ASB11: variants seen among roughly 807,000 people sequenced by gnomAD.
ASB11 encodes the protein ankyrin repeat and SOCS box containing 11.
A neutral mutation model predicts 20.1 loss-of-function variants in ASB11; 17 were observed. The ratio of observed to expected loss-of-function variants is 0.85; its 90% confidence interval spans 0.58 to 1.27. ASB11 has a LOEUF of 1.27. ASB11 is among the 50% of genes most tolerant of loss of function. The pLI is 0.00. For missense variants in ASB11, 259 were observed against 256.9 expected, an observed-to-expected ratio of 1.01 and a Z score of -0.06; for synonymous variants, 107 against 105.6, an observed-to-expected ratio of 1.01 and a Z score of -0.08.
chrX:15,300,550 C>T (rs187531550), intron 2 of ASB11, among the ~76,000 whole-genome samples: 2 of 111,875 alleles, frequency 1.8e-5, no homozygotes, highest in Non-Finnish European at 3.8e-5. Flanking sequence ...AAAGAATGCC[C>T]CCTTACACAT....
chrX:15,313,397 TCAAAA>T (rs1039957895), intron 1 of ASB11, among the ~76,000 whole-genome samples: 3 of 108,613 alleles, frequency 2.8e-5, no homozygotes, highest in African/African-American at 1.0e-4. Context: ...AGAATCCATC[TCAAAA>T]CAAACAAAAA....
At chrX:15,293,104 C>T (rs1483620995) in intron 4 of ASB11, 66 bp downstream of exon 4, 1 of 1,145,155 alleles carries the variant, frequency 8.7e-7, no homozygotes, top group Non-Finnish European at 1.2e-6. Context: ...TAACACTAGA[C>T]CATTGATTCA....
At chrX:15,314,677 G>A (rs1250644564) in intron 1 of ASB11, 1 of 514,714 alleles carries the variant, frequency 1.9e-6, no homozygotes, top group Non-Finnish European at 2.6e-6. Flanking sequence ...AAATACACGG[G>A]GAAATTCTGA....
chrX:15,284,024 G>A (rs752044536), intron 6 of ASB11, among the ~76,000 whole-genome samples: 53 of 109,750 alleles, frequency 4.8e-4, no homozygotes, highest in African/African-American at 1.2e-3. Context: ...AGGCCAAGGT[G>A]GGCGGATCAC....
intron 2 of ASB11, among the ~76,000 whole-genome samples, chrX:15,300,171 C>G (rs1296188924): frequency 8.9e-6 from 1 of 112,320 alleles, no homozygotes; most frequent in African/African-American, 3.2e-5. Context: ...AAAACTGTTA[C>G]GGTGCAAAAT....
intron 4 of ASB11, among the ~76,000 whole-genome samples, 166 bp from the exon 5 acceptor site, chrX:15,289,804 C>A (rs962373013): frequency 9.0e-6 from 1 of 111,329 alleles, no homozygotes; most frequent in Non-Finnish European, 1.9e-5. Context: ...CCGGCGGATT[C>A]CCTGAGGTCA....
intron 1 of ASB11, among the ~76,000 whole-genome samples, chrX:15,311,427 C>T (rs1303491213): frequency 1.8e-5 from 2 of 112,226 alleles, no homozygotes; most frequent in African/African-American, 3.2e-5. Context: ...ATGGTTAGGC[C>T]AATGTTTGTG....
intron 1 of ASB11, among the ~76,000 whole-genome samples, chrX:15,313,454 T>G (rs1193068577): frequency 1.0e-5 from 1 of 99,501 alleles, no homozygotes; most frequent in Non-Finnish European, 2.1e-5. Flanking sequence ...AATTTGGGGG[T>G]GGGGGGATTC....
Position 15,306,445 on chromosome X carries a change from G to A in ASB11, c.182-3638C>T, listed in dbSNP as rs1304268860. On this transcript the variant is annotated intron_variant, in intron 1 of 6. Coordinates refer to ENST00000480796, the MANE Select transcript of ASB11 (RefSeq NM_080873.3). ...TTTGAGGCCGGGTGCAGTGGCTCACGCTGTAATCCCAGCACTTTGGGAGGC... is the reference window on the plus strand; with the variant it reads ...TTTGAGGCCGGGTGCAGTGGCTCACACTGTAATCCCAGCACTTTGGGAGGC... Among the ~76,000 whole-genome samples the A allele has an allele frequency of 3.6e-5, 4 of 111,730 alleles. No homozygotes were observed. In the East Asian group the frequency reaches 8.4e-4, roughly 23 times the overall value.
In ASB11 at chrX:15,302,760, G is replaced by A. The variant is rs763736804; in HGVS notation, c.229C>T (p.Arg77Cys). 2.4e-5 allele frequency: 29 copies of A among 1,208,562 alleles called. No individual in the cohort carries two copies. The highest frequency in any genetic ancestry group is 7.0e-5 in the South Asian group (4 of 56,775). The change falls in exon 2 of 7, where the codon CGC becomes TGC. Residue 77 changes from arginine to cysteine, a missense_variant. Arg to Cys is a radical substitution (Grantham distance 180). Coordinates refer to ENST00000480796, the MANE Select transcript of ASB11 (RefSeq NM_080873.3). ...SPLHEAAAQG[R>C]LLALKTLIAQ... Reference sequence around the variant, plus strand: ...ATTAAAGTTTTAAGGGCCAGTAAGCGCCCCTGAGCTGCAGCTTCATGAAGT... The same window carrying A: ...ATTAAAGTTTTAAGGGCCAGTAAGCACCCCTGAGCTGCAGCTTCATGAAGT...
chrX:15,299,397 T>A (rs182512859), intron 2 of ASB11, among the ~76,000 whole-genome samples: 19 of 111,844 alleles, frequency 1.7e-4, no homozygotes, highest in African/African-American at 5.5e-4. Context: ...AGATTGAAAA[T>A]TTTTCTGATT....
intron 3 of ASB11, among the ~76,000 whole-genome samples, chrX:15,297,031 C>T (rs368605491): frequency 3.6e-5 from 4 of 112,544 alleles, no homozygotes; most frequent in East Asian, 2.8e-4. Context: ...CGGTGGCTCA[C>T]GCCTGTAATC....
chrX:15,286,103 G>T (rs868452187), intron 6 of ASB11, among the ~76,000 whole-genome samples: 10 of 111,300 alleles, frequency 9.0e-5, no homozygotes, highest in Non-Finnish European at 1.5e-4. Flanking sequence ...GTGGGAGCCT[G>T]CTAGACATGC....
intron 4 of ASB11, among the ~76,000 whole-genome samples, chrX:15,290,170 C>A (rs188779336): frequency 9.0e-6 from 1 of 111,685 alleles, no homozygotes. Context: ...CTTCCCCACT[C>A]CAGCTCCTCT....
intron 6 of ASB11, 144 bp from the exon 7 acceptor site, chrX:15,283,773 G>A (rs887143360): frequency 2.0e-5 from 13 of 652,445 alleles, no homozygotes; most frequent in South Asian, 1.2e-4. Flanking sequence ...ATGAGGTAGC[G>A]GACACTAAAT....
Position 15,289,145 on chromosome X carries a change from C to T in ASB11, c.655+359G>A, listed in dbSNP as rs768070892. Among the ~76,000 whole-genome samples the T allele has an allele frequency of 2.7e-5, 3 of 112,049 alleles. No individual in the cohort carries two copies. In the East Asian group the frequency reaches 8.4e-4, roughly 31 times the overall value. On this transcript the variant is annotated intron_variant, in intron 5 of 6. Coordinates refer to ENST00000480796, the MANE Select transcript of ASB11 (RefSeq NM_080873.3). Reference sequence around the variant, plus strand: ...GAGTAGGCTGAAATCTAGGCCTAAACTAATCAATATATTGTATTCCCTTGG... The same window carrying T: ...GAGTAGGCTGAAATCTAGGCCTAAATTAATCAATATATTGTATTCCCTTGG...
intron 2 of ASB11, among the ~76,000 whole-genome samples, chrX:15,302,280 C>A (rs2147698339): frequency 8.9e-6 from 1 of 111,929 alleles, no homozygotes; most frequent in East Asian, 2.8e-4. Context: ...AATCACCTAG[C>A]TAAGCTGCTC....
rs1381177288 is a variant in ASB11 at position 15,293,819 on chromosome X, G to T, written c.370-499C>A. 8.0e-5 allele frequency among the ~76,000 whole-genome samples: 8 copies of T among 99,629 alleles called. No individual in the cohort carries two copies. In the East Asian group the frequency reaches 2.6e-3, roughly 33 times the overall value. The allele number at this position is 99,629 out of a possible 115,157, so 86.5% of individuals were successfully genotyped here. A position where few individuals can be genotyped will look rare whatever the true frequency, so the allele number is the denominator to read the frequency against. ...TAGCCATCAACATTTTCTTAATCCA[G>T]TCTATCATTGTTGGACATTTGGGTT... On this transcript the variant is annotated intron_variant, in intron 3 of 6. Coordinates refer to ENST00000480796, the MANE Select transcript of ASB11 (RefSeq NM_080873.3).
rs369086088 is a variant in ASB11 at position 15,293,160 on chromosome X, G to C, written c.520+10C>G. ...TCAATGTTTCACATGCATTGTGGTG[G>C]CTCATTTACCTCTCTTCACTGCCTC... On this transcript the variant is annotated intron_variant, in intron 4 of 6. Coordinates refer to ENST00000480796, the MANE Select transcript of ASB11 (RefSeq NM_080873.3). 2 of 1,203,453 alleles carry C rather than the reference G, an allele frequency of 1.7e-6. No individual in the cohort carries two copies. The highest frequency in any genetic ancestry group is 2.2e-6 in the Non-Finnish European group (2 of 892,137).
Sources: gnomAD v4.1 joint callset for allele counts (sites outside exome capture counted in the v4.1 genomes callset) on GRCh38, gnomAD v4.1.1 for gene constraint, MANE v1.5 for transcripts, NCBI Gene and HGNC (gene_info 2026-07-23, HGNC 2026-07-21) for gene names.